PTPN4: variants seen among roughly 807,000 people sequenced by gnomAD.
PTPN4 encodes tyrosine-protein phosphatase non-receptor type 4.
PTPN4 carries 49 observed loss-of-function variants against 135.5 expected under a neutral mutation model. The ratio of observed to expected loss-of-function variants is 0.36; its 90% confidence interval spans 0.29 to 0.46. The LOEUF is 0.46. Ranked by LOEUF, PTPN4 falls within the 20% of genes least tolerant of loss-of-function variation. The pLI is 1.00. For synonymous variants in PTPN4, 333 were observed against 369.9 expected, an observed-to-expected ratio of 0.90 and a Z score of 1.14; for missense variants, 860 against 1,101.0, an observed-to-expected ratio of 0.78 and a Z score of 3.10.
chr2:119,960,325 C>T (rs1353819934), intron 22 of PTPN4, among the ~76,000 whole-genome samples: 3 of 152,170 alleles, frequency 2.0e-5, no homozygotes, highest in Non-Finnish European at 2.9e-5. Flanking sequence ...TATTCTGATA[C>T]CCTCTAAAGT....
At chr2:119,900,169 C>T (rs1350960187) in intron 9 of PTPN4, among the ~76,000 whole-genome samples, 1 of 152,064 alleles carries the variant, frequency 6.6e-6, no homozygotes. Context: ...AAATGTTATT[C>T]TCCGGGGTCT....
chr2:119,847,273 T>TACAC lies in PTPN4; in HGVS notation c.139-15262_139-15261insCACA, dbSNP rs1248986814. 1.3e-3 allele frequency among the ~76,000 whole-genome samples: 108 copies of TACAC among 82,704 alleles called. No homozygotes were observed. In the Middle Eastern group the frequency reaches 0.024, roughly 18 times the overall value. 54.3% of individuals were successfully genotyped at this position (82,704 alleles called of 152,430 possible). A position where few individuals can be genotyped will look rare whatever the true frequency, so the allele number is the denominator to read the frequency against. ...GTTAAGAAAAAAAGGAGATACTCTA[T>TACAC]ATACACACACACACACACACACACA... On this transcript the variant is annotated intron_variant, in intron 2 of 26. Coordinates refer to ENST00000263708, the MANE Select transcript of PTPN4 (RefSeq NM_002830.4).
At chr2:119,910,482 A>G (rs988272135) in intron 10 of PTPN4, among the ~76,000 whole-genome samples, 2 of 152,162 alleles carry the variant, frequency 1.3e-5, no homozygotes, top group Non-Finnish European at 2.9e-5. Flanking sequence ...AAAGCATAAT[A>G]AAATCATATT....
chr2:119,916,059 G>C (rs1295699939), intron 11 of PTPN4: 1 of 151,838 alleles, frequency 6.6e-6, no homozygotes, highest in Admixed American at 6.6e-5. Flanking sequence ...AATTGGCCAG[G>C]TGTGATGATG....
At chr2:119,797,881 T>C (rs1023311530) in intron 1 of PTPN4, among the ~76,000 whole-genome samples, 2 of 152,162 alleles carry the variant, frequency 1.3e-5, no homozygotes, top group Admixed American at 6.5e-5. Flanking sequence ...TAAGCGCTTC[T>C]TCTTTTTTTG....
rs745803520 is a variant in PTPN4, at chr2:119,766,449, C to CGTGT, written c.-18+6096_-18+6099dup. On this transcript the variant is annotated intron_variant, in intron 1 of 26. Transcript: ENST00000263708. ...TCACTGGTGTATGCGCATGTGCGCG[C>CGTGT]GTGTGTGTGTGTGTGTGTGTGTGTG... is the stretch of plus-strand genomic sequence containing the variant. Among the ~76,000 whole-genome samples, 247 of 131,062 alleles carry CGTGT rather than the reference C, an allele frequency of 1.9e-3. 2 individuals are homozygous for CGTGT. Among genetic ancestry groups the CGTGT allele is most frequent in the African/African-American group, 5.8e-3 (184 of 31,688 alleles). 86.0% of individuals were successfully genotyped at this position (131,062 alleles called of 152,430 possible).
At chr2:119,786,813 T>A (rs900717805) in intron 1 of PTPN4, among the ~76,000 whole-genome samples, 5 of 152,340 alleles carry the variant, frequency 3.3e-5, no homozygotes, top group Admixed American at 3.3e-4. Flanking sequence ...ATTGTTGCTG[T>A]CATTTTTGTT....
intron 24 of PTPN4, among the ~76,000 whole-genome samples, chr2:119,963,176 G>A (rs945389853): frequency 2.0e-5 from 3 of 152,166 alleles, no homozygotes; most frequent in Non-Finnish European, 4.4e-5. Flanking sequence ...CAACTTCACA[G>A]TCCCCTACCT....
Position 119,883,292 on chromosome 2 carries a change from A to G in PTPN4, c.587+669A>G, listed in dbSNP as rs1423595390. On this transcript the variant is annotated intron_variant, in intron 8 of 26. Coordinates refer to ENST00000263708, the MANE Select transcript of PTPN4 (RefSeq NM_002830.4). Reference sequence around the variant, plus strand: ...TATGAAACATAAATTTCATGTTTAGACTTGGTTTCTATACCAAGATATTGC... The same window carrying G: ...TATGAAACATAAATTTCATGTTTAGGCTTGGTTTCTATACCAAGATATTGC... Among the ~76,000 whole-genome samples, 4 of 152,200 alleles carry G rather than the reference A, an allele frequency of 2.6e-5. No homozygotes were observed. In the East Asian group the frequency reaches 7.7e-4, roughly 29 times the overall value.
At chr2:119,835,612 C>G (rs1195199152) in intron 2 of PTPN4, among the ~76,000 whole-genome samples, 2 of 152,212 alleles carry the variant, frequency 1.3e-5, no homozygotes, top group Non-Finnish European at 2.9e-5. Flanking sequence ...TGAAGGATTT[C>G]AGTCACTGTT....
intron 9 of PTPN4, among the ~76,000 whole-genome samples, chr2:119,894,032 A>G (rs1191050354): frequency 2.0e-5 from 3 of 152,202 alleles, no homozygotes; most frequent in South Asian, 4.1e-4. Context: ...GGCTTTATGT[A>G]TGTTAATCCC....
intron 2 of PTPN4, among the ~76,000 whole-genome samples, chr2:119,832,494 A>G (rs1007270496): frequency 1.3e-5 from 2 of 152,026 alleles, no homozygotes; most frequent in African/African-American, 4.8e-5. Flanking sequence ...AGTTTCTCCT[A>G]TTTTGAAAAT....
At chr2:119,878,005 C>T (rs1678011159) in intron 5 of PTPN4, among the ~76,000 whole-genome samples, 1 of 151,800 alleles carries the variant, frequency 6.6e-6, no homozygotes, top group Admixed American at 6.6e-5. Flanking sequence ...CCTTTTGTCC[C>T]CTATGTGTTT....
intron 2 of PTPN4, among the ~76,000 whole-genome samples, chr2:119,860,508 C>T (rs1677746190): frequency 6.6e-6 from 1 of 152,144 alleles, no homozygotes; most frequent in African/African-American, 2.4e-5. Context: ...CTTAATGTCC[C>T]TCATCTGCCA....
chr2:119,845,134 G>T (rs1478444758), intron 2 of PTPN4, among the ~76,000 whole-genome samples: 38 of 146,020 alleles, frequency 2.6e-4, no homozygotes, highest in African/African-American at 5.7e-4. Flanking sequence ...CACAGGCACT[G>T]GGCAGGCTGA....
chr2:119,793,323 T>C (rs1053154905), intron 1 of PTPN4, among the ~76,000 whole-genome samples: 3 of 152,222 alleles, frequency 2.0e-5, no homozygotes, highest in African/African-American at 7.2e-5. Flanking sequence ...AAGAGAAATA[T>C]GACTCTGTCC....
At position 119,760,223 on chromosome 2, in the gene PTPN4, G is replaced by A. The variant is rs1473082067; in HGVS notation, c.-179G>A. ...CGGCTGCCCAGCAGCATGAGGTGGT[G>A]CTGGCGGCTCCGGGTCGTGGCGCGA... On this transcript the variant is annotated 5_prime_UTR_variant, in exon 1 of 27. Coordinates refer to ENST00000263708, the MANE Select transcript of PTPN4 (RefSeq NM_002830.4). 7.6e-6 allele frequency: 3 copies of A among 396,434 alleles called. No homozygotes were observed. Among genetic ancestry groups the A allele is most frequent in the Non-Finnish European group, 8.9e-6 (2 of 224,680 alleles). The allele number at this position is 396,434 out of a possible 1,614,324, so 24.6% of individuals were successfully genotyped here. A position where few individuals can be genotyped will look rare whatever the true frequency, so the allele number is the denominator to read the frequency against.
At chr2:119,772,466 C>G (rs1404315392) in intron 1 of PTPN4, among the ~76,000 whole-genome samples, 1 of 152,220 alleles carries the variant, frequency 6.6e-6, no homozygotes, top group South Asian at 2.1e-4. Flanking sequence ...TTGACTTATA[C>G]TGAGGTGAGA....
intron 2 of PTPN4, among the ~76,000 whole-genome samples, chr2:119,836,984 C>T (rs1677304361): frequency 6.6e-6 from 1 of 152,152 alleles, no homozygotes; most frequent in African/African-American, 2.4e-5. Context: ...TGATTGATGG[C>T]GGCAGGAAGC....
Sources: gnomAD v4.1 joint callset for allele counts (sites outside exome capture counted in the v4.1 genomes callset) on GRCh38, gnomAD v4.1.1 for gene constraint, MANE v1.5 for transcripts, NCBI Gene and HGNC (gene_info 2026-07-23, HGNC 2026-07-21) for gene names.